CAMK4: variants seen among roughly 807,000 people sequenced by gnomAD.
The protein encoded by CAMK4 is calcium/calmodulin-dependent protein kinase type IV.
Under a neutral mutation model 44.9 loss-of-function variants are expected in CAMK4, and 22 were observed. The ratio of observed to expected loss-of-function variants is 0.49; its 90% CI spans 0.35 to 0.70. The LOEUF is 0.70. Among genes scored for constraint, CAMK4 ranks in the 30% least tolerant of loss-of-function variants. The pLI is 0.01. For missense variants in CAMK4, 498 were observed against 586.8 expected (o/e 0.85, Z 1.56); for synonymous variants, 218 against 215.4 (o/e 1.01, Z -0.11).
chr5:111,224,331 C>T, upstream of CAMK4: 2 of 1,170,116 alleles, frequency 1.7e-6, no homozygotes, highest in Non-Finnish European at 2.2e-6. The surrounding 1 kb of genome is among the most constrained non-coding windows in gnomAD (Gnocchi z 5.7). Flanking sequence ...CCCACCGTCC[C>T]TGCGAGCGCG....
chr5:111,337,154 A>G (rs1749441292), intron 1 of CAMK4, among the ~76,000 whole-genome samples: 1 of 151,230 alleles, frequency 6.6e-6, no homozygotes, highest in Non-Finnish European at 1.5e-5. Context: ...TATAAATGAG[A>G]TTCAACCAAG....
At chr5:111,402,815 C>T (rs527361797) in intron 5 of CAMK4, among the ~76,000 whole-genome samples, 12 of 152,304 alleles carry the variant, frequency 7.9e-5, no homozygotes, top group South Asian at 2.1e-4. Flanking sequence ...TGCTGGGAAC[C>T]GCTTTTGCTA....
At chr5:111,315,906 G>GA (rs1157696691) in intron 1 of CAMK4, among the ~76,000 whole-genome samples, 3 of 152,108 alleles carry the variant, frequency 2.0e-5, no homozygotes, top group Non-Finnish European at 4.4e-5. Context: ...AGGCAGGTTG[G>GA]AAATCTAGGA....
intron 1 of CAMK4, among the ~76,000 whole-genome samples, chr5:111,267,032 C>G (rs1048425504): frequency 2.6e-5 from 4 of 152,188 alleles, no homozygotes; most frequent in African/African-American, 9.6e-5. Flanking sequence ...ATTCTGCCTA[C>G]TTTCCAGCTG....
chr5:111,409,592 A>G (rs1752560434), intron 5 of CAMK4, among the ~76,000 whole-genome samples: 3 of 152,312 alleles, frequency 2.0e-5, no homozygotes, highest in Middle Eastern at 6.8e-3. Flanking sequence ...TACTTATGCA[A>G]ATTTCTACAG....
intron 5 of CAMK4, among the ~76,000 whole-genome samples, chr5:111,428,161 A>C (rs536300697): frequency 1.3e-5 from 2 of 152,362 alleles, no homozygotes; most frequent in Non-Finnish European, 2.9e-5. Context: ...GTCTGCAAAA[A>C]CCACAGTGTT....
chr5:111,446,295 A>C lies in CAMK4; in HGVS notation c.460-391A>C, dbSNP rs191356208. 5.8e-3 allele frequency among the ~76,000 whole-genome samples: 882 copies of C among 152,330 alleles called. 10 individuals are homozygous for C. The highest frequency in any genetic ancestry group is 0.02 in the African/African-American group (851 of 41,568). On this transcript the variant is annotated intron_variant, in intron 5 of 10. Coordinates refer to ENST00000282356, the MANE Select transcript of CAMK4 (RefSeq NM_001744.6). Reference sequence around the variant, plus strand: ...TATGAAGTCTTTGCTATACAGGTTTATAAGATCACACATCCAATTACGCTT... The same window carrying C: ...TATGAAGTCTTTGCTATACAGGTTTCTAAGATCACACATCCAATTACGCTT...
intron 1 of CAMK4, among the ~76,000 whole-genome samples, chr5:111,232,354 CTT>C (rs1305593406): frequency 1.3e-5 from 2 of 152,038 alleles, no homozygotes; most frequent in Non-Finnish European, 2.9e-5. Flanking sequence ...ACTGGGGTGT[CTT>C]TATGGGGGAG....
intron 1 of CAMK4, among the ~76,000 whole-genome samples, chr5:111,253,122 A>G (rs1008683466): frequency 6.6e-6 from 1 of 152,232 alleles, no homozygotes; most frequent in African/African-American, 2.4e-5. Flanking sequence ...ACACATGTAC[A>G]TACACACATT....
At chr5:111,247,851 C>A (rs1472286277) in intron 1 of CAMK4, among the ~76,000 whole-genome samples, 1 of 152,122 alleles carries the variant, frequency 6.6e-6, no homozygotes, top group Non-Finnish European at 1.5e-5. Context: ...GAAAAATTTA[C>A]ACATAAAACT....
chr5:111,410,210 A>G (rs895244737), intron 5 of CAMK4, among the ~76,000 whole-genome samples: 4 of 151,696 alleles, frequency 2.6e-5, no homozygotes, highest in African/African-American at 9.7e-5. Context: ...AAGAGGTTTA[A>G]TTGACCCACA....
chr5:111,347,046 A>G (rs922913089), intron 2 of CAMK4, among the ~76,000 whole-genome samples: 1 of 151,970 alleles, frequency 6.6e-6, no homozygotes, highest in Non-Finnish European at 1.5e-5. Flanking sequence ...GAGGTTATGC[A>G]TTGGTTTGGC....
At chr5:111,272,401 T>G (rs1750556625) in intron 1 of CAMK4, among the ~76,000 whole-genome samples, 1 of 152,130 alleles carries the variant, frequency 6.6e-6, no homozygotes. Flanking sequence ...TTAATATATA[T>G]ATAAAGTGCA....
At chr5:111,456,322 T>G (rs1410481975) in intron 7 of CAMK4, among the ~76,000 whole-genome samples, 1 of 151,994 alleles carries the variant, frequency 6.6e-6, no homozygotes, top group Non-Finnish European at 1.5e-5. Flanking sequence ...TAACCCCGTC[T>G]CTTCTAAAAA....
At chr5:111,397,247 C>A (rs2112867246) in intron 5 of CAMK4, among the ~76,000 whole-genome samples, 1 of 152,252 alleles carries the variant, frequency 6.6e-6, no homozygotes, top group East Asian at 1.9e-4. Flanking sequence ...CTTTGAGCCT[C>A]AATTTAGTCT....
intron 7 of CAMK4, among the ~76,000 whole-genome samples, chr5:111,472,428 C>A (rs1323240428): frequency 6.6e-6 from 1 of 152,228 alleles, no homozygotes; most frequent in East Asian, 1.9e-4. Flanking sequence ...GGACAATAGG[C>A]CTGAGCTCTA....
intron 1 of CAMK4, among the ~76,000 whole-genome samples, chr5:111,270,767 C>G (rs1442077581): frequency 6.6e-6 from 1 of 152,198 alleles, no homozygotes; most frequent in East Asian, 1.9e-4. Context: ...CCATGTATTT[C>G]TGAGTGCCAG....
At chr5:111,270,635 ACTC>A (rs978030068) in intron 1 of CAMK4, among the ~76,000 whole-genome samples, 4 of 151,062 alleles carry the variant, frequency 2.6e-5, no homozygotes, top group South Asian at 2.1e-4. Flanking sequence ...TTCCTTTCTC[ACTC>A]CTCTTAAATT....
At chr5:111,340,254 T>C (rs574703292) in intron 1 of CAMK4, among the ~76,000 whole-genome samples, 28 of 151,324 alleles carry the variant, frequency 1.9e-4, no homozygotes, top group Non-Finnish European at 3.6e-4. Context: ...TTTCTACTAC[T>C]GTATTGAATA....
Sources: allele counts gnomAD v4.1 joint callset (sites outside exome capture counted in the v4.1 genomes callset), GRCh38; gene constraint gnomAD v4.1.1; non-coding constraint Gnocchi (gnomAD v3.1); transcripts MANE v1.5; gene names NCBI Gene and HGNC (gene_info 2026-07-23, HGNC 2026-07-21).